Variants in PLEKHA5 observed in about 807,000 individuals in gnomAD.
The protein encoded by PLEKHA5 is pleckstrin homology domain-containing family A member 5.
In PLEKHA5, 55 loss-of-function variants were observed where a neutral mutation model predicts 181.9. The observed-to-expected ratio is 0.30, with a 90% CI of 0.24 to 0.38. The LOEUF (loss-of-function observed/expected upper bound fraction) is 0.38, where lower values mean the gene tolerates loss of function less well. PLEKHA5 is among the 10% of genes least tolerant of loss of function. PLEKHA5 has a pLI of 1.00. For missense variants in PLEKHA5, 1,432 were observed against 1,549.5 expected (o/e 0.92, Z 1.27); for synonymous variants, 535 against 529.4 (o/e 1.01, Z -0.15).
intron 3 of PLEKHA5, among the ~76,000 whole-genome samples, chr12:19,162,622 A>G (rs555241166): frequency 6.6e-6 from 1 of 152,132 alleles, no homozygotes; most frequent in East Asian, 1.9e-4. Flanking sequence ...TCTGCTACAG[A>G]GACAGGCCAT....
At chr12:19,357,180 G>A (rs1361679502) in intron 26 of PLEKHA5, among the ~76,000 whole-genome samples, 1 of 151,338 alleles carries the variant, frequency 6.6e-6, no homozygotes, top group African/African-American at 2.4e-5. Flanking sequence ...CTCTTTCAGG[G>A]TCAAGTTTTA....
intron 3 of PLEKHA5, among the ~76,000 whole-genome samples, chr12:19,179,386 G>A (rs140161719): frequency 1.3e-5 from 2 of 152,288 alleles, no homozygotes; most frequent in East Asian, 3.9e-4. Context: ...GCCGGGCGTG[G>A]TGGCTCACAC....
chr12:19,192,576 G>T (rs566252461), intron 3 of PLEKHA5, among the ~76,000 whole-genome samples: 1 of 152,164 alleles, frequency 6.6e-6, no homozygotes, highest in East Asian at 1.9e-4. Flanking sequence ...GGTGGCATTC[G>T]CCTCTAGTCC....
chr12:19,210,545 C>T (rs981826756), intron 3 of PLEKHA5, among the ~76,000 whole-genome samples: 1 of 152,150 alleles, frequency 6.6e-6, no homozygotes, highest in African/African-American at 2.4e-5. Context: ...GGGTTATTTT[C>T]CATTCCAGAT....
chr12:19,363,122 G>GT (rs57411101), intron 29 of PLEKHA5, among the ~76,000 whole-genome samples: 93,028 of 146,504 alleles, frequency 0.63, 33,790 homozygotes, highest in Non-Finnish European at 0.84. Flanking sequence ...TTCTTTTTTT[G>GT]TTTTTTTTTT....
At chr12:19,160,481 G>A (rs1358356387) in intron 3 of PLEKHA5, among the ~76,000 whole-genome samples, 1 of 152,024 alleles carries the variant, frequency 6.6e-6, no homozygotes, top group Middle Eastern at 3.2e-3. Context: ...GTTGGGAAAC[G>A]TAGAATATCA....
At chr12:19,334,087 A>T (rs1216834729) in intron 20 of PLEKHA5, among the ~76,000 whole-genome samples, 2 of 152,218 alleles carry the variant, frequency 1.3e-5, no homozygotes, top group African/African-American at 4.8e-5. Context: ...TTTAAAGATT[A>T]TTAGCATGGT....
chr12:19,191,656 CT>C (rs1269544915), intron 3 of PLEKHA5, among the ~76,000 whole-genome samples: 2 of 152,146 alleles, frequency 1.3e-5, no homozygotes, highest in African/African-American at 4.8e-5. Context: ...TTAACATTCC[CT>C]GTTCCTGTGA....
At chr12:19,309,791 T>G (rs957260211) in intron 15 of PLEKHA5, among the ~76,000 whole-genome samples, 3 of 152,080 alleles carry the variant, frequency 2.0e-5, no homozygotes, top group African/African-American at 7.3e-5. Flanking sequence ...CCGATACATT[T>G]GTGTTACTGC....
At chr12:19,152,993 GT>G (rs937273637) in intron 3 of PLEKHA5, 1 of 31,976 alleles carries the variant, frequency 3.1e-5, no homozygotes, top group Admixed American at 5.3e-4. Flanking sequence ...ATTAACACAG[GT>G]TTTTTGTTTT....
chr12:19,277,613 TAAGAA>T (rs2074945393), intron 11 of PLEKHA5, among the ~76,000 whole-genome samples: 1 of 152,184 alleles, frequency 6.6e-6, no homozygotes, highest in African/African-American at 2.4e-5. Context: ...CTTTGGATCA[TAAGAA>T]AATATCATCT....
At chr12:19,258,609 G>T (rs1184079183) in intron 6 of PLEKHA5, among the ~76,000 whole-genome samples, 2 of 129,230 alleles carry the variant, frequency 1.5e-5, no homozygotes, top group African/African-American at 5.7e-5. Context: ...CACCTGCCCA[G>T]ACTGGAGGGC....
At chr12:19,285,552 A>T (rs988909310) in intron 12 of PLEKHA5, among the ~76,000 whole-genome samples, 10 of 152,208 alleles carry the variant, frequency 6.6e-5, no homozygotes, top group African/African-American at 2.4e-4. Flanking sequence ...AACTATTTTT[A>T]TGATCATAAT....
At chr12:19,363,587 G>C (rs2095331057) in intron 29 of PLEKHA5, among the ~76,000 whole-genome samples, 1 of 151,916 alleles carries the variant, frequency 6.6e-6, no homozygotes, top group Admixed American at 6.6e-5. Context: ...CACCTCCTGG[G>C]TTCAAGCGAT....
chr12:19,192,888 G>C (rs974428775), intron 3 of PLEKHA5, among the ~76,000 whole-genome samples: 9 of 152,114 alleles, frequency 5.9e-5, no homozygotes, highest in Non-Finnish European at 1.3e-4. Flanking sequence ...AGTAACTGTG[G>C]CTGTGGACCA....
intron 3 of PLEKHA5, chr12:19,176,479 G>A (rs2047262366): frequency 1.3e-5 from 2 of 151,866 alleles, no homozygotes; most frequent in South Asian, 4.2e-4. Flanking sequence ...AACTTAGTAC[G>A]GACACGCTAT....
At position 19,193,868 on chromosome 12, in the gene PLEKHA5, G is replaced by T. The variant is rs528777914; in HGVS notation, c.228-60072G>T. On this transcript the variant is annotated intron_variant, in intron 3 of 31. Coordinates refer to ENST00000429027, the MANE Select transcript of PLEKHA5 (RefSeq NM_001256470.2). ...GGGGAGCTTTTACTTATGGCAGAAG[G>T]GAAAGTGGGAGCAGGCATGTCACAG... 2.6e-5 allele frequency among the ~76,000 whole-genome samples: 4 copies of T among 152,276 alleles called. No homozygotes were observed. In the South Asian group the frequency reaches 8.3e-4, roughly 32 times the overall value.
chr12:19,268,227 A>T (rs2071220610), intron 8 of PLEKHA5, among the ~76,000 whole-genome samples: 1 of 152,236 alleles, frequency 6.6e-6, no homozygotes, highest in Admixed American at 6.5e-5. Context: ...TTATAACTTT[A>T]TGAAGTACAC....
intron 3 of PLEKHA5, among the ~76,000 whole-genome samples, chr12:19,234,101 T>C (rs774650452): frequency 6.6e-5 from 10 of 152,234 alleles, no homozygotes; most frequent in Non-Finnish European, 1.3e-4. Flanking sequence ...AGTTTCTCTT[T>C]AACAGGGCAT....
Sources: allele counts gnomAD v4.1 joint callset (sites outside exome capture counted in the v4.1 genomes callset), GRCh38; gene constraint gnomAD v4.1.1; transcripts MANE v1.5; gene names NCBI Gene and HGNC (gene_info 2026-07-23, HGNC 2026-07-21).